Variants in CNTN3 observed in about 807,000 individuals in gnomAD.
The protein encoded by CNTN3 is contactin-3.
In CNTN3, 60 loss-of-function variants were observed where a neutral mutation model predicts 119.1. The observed-to-expected ratio is 0.50, with a 90% CI of 0.41 to 0.62. The LOEUF (loss-of-function observed/expected upper bound fraction) is 0.62, where lower values mean the gene tolerates loss of function less well. Among genes scored for constraint, CNTN3 ranks in the 20% least tolerant of loss-of-function variants. The probability of loss-of-function intolerance (pLI) is 0.00; values close to 1 mark genes in which losing one functional copy is unlikely to be tolerated. For missense variants in CNTN3, 1,101 were observed against 1,242.4 expected, an observed-to-expected ratio of 0.89 and a Z score of 1.71; for synonymous variants, 450 against 438.7, an observed-to-expected ratio of 1.03 and a Z score of -0.32.
At chr3:74,590,810 A>G (rs1704688669) in intron 1 of CNTN3, among the ~76,000 whole-genome samples, 3 of 152,070 alleles carry the variant, frequency 2.0e-5, no homozygotes, top group African/African-American at 7.2e-5. Context: ...AGAGTTGTGC[A>G]ACATATCAGA....
At chr3:74,325,730 A>G (rs981782957) in intron 13 of CNTN3, among the ~76,000 whole-genome samples, 1 of 152,134 alleles carries the variant, frequency 6.6e-6, no homozygotes, top group African/African-American at 2.4e-5. Context: ...CAACATCTCA[A>G]TTTTGCAGAT....
chr3:74,417,059 T>C (rs1701535529), intron 5 of CNTN3, among the ~76,000 whole-genome samples: 1 of 151,622 alleles, frequency 6.6e-6, no homozygotes, highest in Non-Finnish European at 1.5e-5. Context: ...TTTGGACAAA[T>C]CACCTAACTG....
rs536872425 is a variant in CNTN3, at chr3:74,462,129, A to G, written c.358+24327T>C. On this transcript the variant is annotated intron_variant, in intron 4 of 22. Transcript: ENST00000263665. ...GAACATCCCCTCTCACTCTCTCTTC[A>G]TCCTGCTCCAGCTACTTAAGATGTG... Among the ~76,000 whole-genome samples the G allele has an allele frequency of 6.6e-5, 10 of 152,028 alleles. No individual in the cohort carries two copies. In the South Asian group the frequency reaches 2.1e-3, roughly 32 times the overall value.
chr3:74,576,781 A>G (rs1304752197), intron 1 of CNTN3, among the ~76,000 whole-genome samples: 1 of 152,042 alleles, frequency 6.6e-6, no homozygotes, highest in Non-Finnish European at 1.5e-5. Flanking sequence ...CTTCCTACAT[A>G]CTGTTTTTTT....
intron 5 of CNTN3, among the ~76,000 whole-genome samples, chr3:74,392,682 C>A (rs1013472173): frequency 6.6e-6 from 1 of 152,062 alleles, no homozygotes; most frequent in African/African-American, 2.4e-5. Context: ...TGAACACACA[C>A]AAACATATAT....
intron 2 of CNTN3, among the ~76,000 whole-genome samples, chr3:74,500,267 T>C (rs570559926): frequency 1.3e-5 from 2 of 152,162 alleles, no homozygotes; most frequent in African/African-American, 4.8e-5. Context: ...GTCCATTTTA[T>C]TACTAGCAAA....
intron 4 of CNTN3, among the ~76,000 whole-genome samples, chr3:74,462,023 C>T (rs868359203): frequency 6.6e-6 from 1 of 151,986 alleles, no homozygotes; most frequent in South Asian, 2.1e-4. Flanking sequence ...GAGGATCGAT[C>T]CCTCATGAAT....
chr3:74,546,565 C>G (rs1703918305), intron 1 of CNTN3, among the ~76,000 whole-genome samples: 1 of 152,110 alleles, frequency 6.6e-6, no homozygotes, highest in Admixed American at 6.5e-5. Context: ...ACATCTTTTT[C>G]CTGTGCTGGA....
chr3:74,345,432 C>T (rs1157886172), intron 11 of CNTN3, among the ~76,000 whole-genome samples: 1 of 152,114 alleles, frequency 6.6e-6, no homozygotes, highest in Non-Finnish European at 1.5e-5. Context: ...TGAGCATAAC[C>T]TTGAAATAAC....
chr3:74,318,611 C>T (rs1702897786), intron 13 of CNTN3, among the ~76,000 whole-genome samples: 1 of 152,162 alleles, frequency 6.6e-6, no homozygotes, highest in South Asian at 2.1e-4. Flanking sequence ...CCACTCCAGA[C>T]CCTGTTTGCC....
chr3:74,317,349 T>C (rs1424104009), intron 13 of CNTN3, among the ~76,000 whole-genome samples: 2 of 152,062 alleles, frequency 1.3e-5, no homozygotes, highest in Non-Finnish European at 2.9e-5. Context: ...TTAAAGTTAA[T>C]ATTGTTATGT....
chr3:74,394,996 A>C (rs1056037007), intron 5 of CNTN3, among the ~76,000 whole-genome samples: 13 of 152,218 alleles, frequency 8.5e-5, no homozygotes, highest in African/African-American at 3.1e-4. Flanking sequence ...CAAATTAATA[A>C]GATAAAATGC....
In CNTN3 at chr3:74,560,745, C is replaced by T. The variant is rs1208377815; in HGVS notation, c.-80-39553G>A. 2.6e-5 allele frequency among the ~76,000 whole-genome samples: 4 copies of T among 151,958 alleles called. No individual in the cohort carries two copies. In the South Asian group the frequency reaches 8.3e-4, roughly 32 times the overall value. On this transcript the variant is annotated intron_variant, in intron 1 of 22. Transcript: ENST00000263665. ...CACACATATGTTTATTGTGGCACTA[C>T]TCACAATAGCAAAGACTTGGAATCA...
Position 74,517,873 on chromosome 3 carries a change from C to G in CNTN3, c.55+3185G>C, listed in dbSNP as rs747483448. Among the ~76,000 whole-genome samples, 79 of 151,954 alleles carry G rather than the reference C, an allele frequency of 5.2e-4. 1 individual carries two copies. The highest frequency in any genetic ancestry group is 9.7e-4 in the Non-Finnish European group (66 of 67,932). ...TGATCTCCTGCAATGATACCCACCC[C>G]TTGTGAATATACCAGCTTCCATTCT... On this transcript the variant is annotated intron_variant, in intron 2 of 22. Coordinates refer to ENST00000263665, the MANE Select transcript of CNTN3 (RefSeq NM_020872.3).
chr3:74,398,849 A>G (rs562102149), intron 5 of CNTN3, among the ~76,000 whole-genome samples: 2 of 152,290 alleles, frequency 1.3e-5, no homozygotes, highest in East Asian at 3.9e-4. Flanking sequence ...TTGATTGATC[A>G]CTTATCACGT....
At chr3:74,289,731 T>C (rs1440350018) in intron 19 of CNTN3, among the ~76,000 whole-genome samples, 2 of 152,192 alleles carry the variant, frequency 1.3e-5, no homozygotes, top group Non-Finnish European at 2.9e-5. Flanking sequence ...TCGAACAACT[T>C]GCTCAAGGCC....
intron 4 of CNTN3, among the ~76,000 whole-genome samples, chr3:74,462,170 C>T (rs943480122): frequency 6.6e-6 from 1 of 152,088 alleles, no homozygotes; most frequent in Admixed American, 6.6e-5. Flanking sequence ...TTCCCCTTCA[C>T]TTTCCGCCAT....
intron 1 of CNTN3, among the ~76,000 whole-genome samples, chr3:74,559,512 C>T (rs967494720): frequency 6.6e-6 from 1 of 151,868 alleles, no homozygotes; most frequent in Non-Finnish European, 1.5e-5. Flanking sequence ...CCTCTACCAG[C>T]AGGGAGCCTG....
chr3:74,580,567 C>A (rs1704488099), intron 1 of CNTN3, among the ~76,000 whole-genome samples: 1 of 152,016 alleles, frequency 6.6e-6, no homozygotes, highest in African/African-American at 2.4e-5. Flanking sequence ...TCCCAGAATA[C>A]AAAATTGGTT....
Sources: allele counts gnomAD v4.1 joint callset (sites outside exome capture counted in the v4.1 genomes callset), GRCh38; gene constraint gnomAD v4.1.1; transcripts MANE v1.5; gene names NCBI Gene and HGNC (gene_info 2026-07-23, HGNC 2026-07-21).